CRPPA: variants seen among roughly 807,000 people sequenced by gnomAD.
CRPPA encodes CDP-L-ribitol pyrophosphorylase A.
A neutral mutation model predicts 52.0 loss-of-function variants in CRPPA; 43 were observed. The observed-to-expected ratio is 0.83, with a 90% confidence interval of 0.65 to 1.07. The LOEUF (loss-of-function observed/expected upper bound fraction) is 1.07. Among genes scored for constraint, CRPPA ranks in the 50% least tolerant of loss-of-function variants. CRPPA has a pLI of 0.00. For synonymous variants in CRPPA, 250 were observed against 203.5 expected, an observed-to-expected ratio of 1.23 and a Z score of -1.94; for missense variants, 629 against 551.7, an observed-to-expected ratio of 1.14 and a Z score of -1.40.
chr7:16,392,694 C>T (rs1241699578), intron 2 of CRPPA, among the ~76,000 whole-genome samples: 1 of 152,042 alleles, frequency 6.6e-6, no homozygotes, highest in Non-Finnish European at 1.5e-5. Context: ...GATATTTTAA[C>T]CTCACTTCCT....
rs531572065 is a variant in CRPPA, at chr7:16,393,617, C to T, written c.534+12444G>A. 5.9e-5 allele frequency among the ~76,000 whole-genome samples: 9 copies of T among 152,164 alleles called. No individual in the cohort carries two copies. In the South Asian group the frequency reaches 1.9e-3, roughly 32 times the overall value. ...CCATGTAAAATTCAAAATTATAACACATTTTTTAAAAATGGTGAATATCTT... is the reference window on the plus strand; with the variant it reads ...CCATGTAAAATTCAAAATTATAACATATTTTTTAAAAATGGTGAATATCTT... On this transcript the variant is annotated intron_variant, in intron 2 of 9. Transcript: ENST00000407010.
chr7:16,171,835 A>G (rs1351271525), intron 9 of CRPPA, among the ~76,000 whole-genome samples: 1 of 152,142 alleles, frequency 6.6e-6, no homozygotes, highest in African/African-American at 2.4e-5. Context: ...GCTTTCTCTC[A>G]GAGGTTCTGC....
intron 9 of CRPPA, among the ~76,000 whole-genome samples, chr7:16,102,908 GGATCTA>G (rs1782076776): frequency 6.6e-6 from 1 of 152,130 alleles, no homozygotes; most frequent in African/African-American, 2.4e-5. Context: ...AATTCCTCAA[GGATCTA>G]GAACTAGAAA....
At chr7:16,406,762 T>C (rs1787963254) in intron 1 of CRPPA, among the ~76,000 whole-genome samples, 1 of 152,220 alleles carries the variant, frequency 6.6e-6, no homozygotes, top group Admixed American at 6.5e-5. Context: ...TGACTGTCTC[T>C]TTCAAGAATT....
At chr7:16,250,332 T>TA in intron 8 of CRPPA, among the ~76,000 whole-genome samples, 1 of 152,292 alleles carries the variant, frequency 6.6e-6, no homozygotes, top group East Asian at 1.9e-4. Flanking sequence ...TTCTGCAACC[T>TA]AGCAAGGCAG....
At chr7:16,337,810 T>C (rs6946720) in intron 3 of CRPPA, among the ~76,000 whole-genome samples, 142,148 of 152,198 alleles carry the variant, frequency 0.93, 66,472 homozygotes, top group Non-Finnish European at 0.95. Context: ...CCTACCAAAC[T>C]GAATCTAAAT....
chr7:16,348,812 A>C (rs1211209736), intron 3 of CRPPA, among the ~76,000 whole-genome samples: 2 of 152,196 alleles, frequency 1.3e-5, no homozygotes, highest in Non-Finnish European at 2.9e-5. Flanking sequence ...TGATTACTTC[A>C]GGTCTACCCA....
chr7:16,125,711 G>T (rs1333846025), intron 9 of CRPPA, among the ~76,000 whole-genome samples: 1 of 152,064 alleles, frequency 6.6e-6, no homozygotes, highest in African/African-American at 2.4e-5. Context: ...TGTCTAATGG[G>T]TGATGAGTTC....
intron 6 of CRPPA, among the ~76,000 whole-genome samples, chr7:16,271,921 T>G (rs529937818): frequency 2.0e-5 from 3 of 152,218 alleles, no homozygotes; most frequent in Non-Finnish European, 2.9e-5. Flanking sequence ...TATTATTTGG[T>G]AAATAAACTA....
intron 3 of CRPPA, among the ~76,000 whole-genome samples, chr7:16,324,141 G>T (rs1018578804): frequency 6.6e-6 from 1 of 152,164 alleles, no homozygotes; most frequent in Admixed American, 6.5e-5. Context: ...ACATGCTGAA[G>T]AATGTGTTAT....
At chr7:16,170,660 C>T (rs577286808) in intron 9 of CRPPA, among the ~76,000 whole-genome samples, 22 of 152,228 alleles carry the variant, frequency 1.4e-4, no homozygotes, top group African/African-American at 4.1e-4. Context: ...ACACAGGGGG[C>T]GGGGGAGAGA....
intron 9 of CRPPA, 76 bp downstream of exon 9, chr7:16,215,990 G>T: frequency 1.7e-6 from 2 of 1,146,176 alleles, no homozygotes; most frequent in Non-Finnish European, 2.5e-6. Context: ...ATATCCTCCT[G>T]CTTTTAACAA....
chr7:16,184,960 A>T (rs1781477703), intron 9 of CRPPA, among the ~76,000 whole-genome samples: 1 of 152,186 alleles, frequency 6.6e-6, no homozygotes, highest in Non-Finnish European at 1.5e-5. Context: ...TGTTTTGGAC[A>T]TTTTTGTGGA....
At position 16,162,973 on chromosome 7, in the gene CRPPA, C is replaced by CTTT. The variant is rs377244023; in HGVS notation, c.1251+53090_1251+53092dup. On this transcript the variant is annotated intron_variant, in intron 9 of 9. Transcript: ENST00000407010. ...TTTTTTTCTTTTTCTTTTTCTTTCT[C>CTTT]TTTTTTTTTTTTTTTTTTGAGACGG... is the stretch of plus-strand genomic sequence containing the variant. 2.3e-3 allele frequency among the ~76,000 whole-genome samples: 276 copies of CTTT among 120,828 alleles called. 7 individuals are homozygous for CTTT. Among genetic ancestry groups the CTTT allele is most frequent in the Non-Finnish European group, 3.8e-3 (225 of 58,652 alleles). The allele number at this position is 120,828 out of a possible 152,430, so 79.3% of individuals were successfully genotyped here. A position where few individuals can be genotyped will look rare whatever the true frequency, so the allele number is the denominator to read the frequency against.
intron 8 of CRPPA, among the ~76,000 whole-genome samples, chr7:16,239,526 G>A (rs1783046727): frequency 8.7e-6 from 1 of 115,436 alleles, no homozygotes; most frequent in Non-Finnish European, 1.7e-5. Context: ...TAAAGCTAAA[G>A]TCTATTTCCA....
chr7:16,108,428 C>T (rs995259640), intron 9 of CRPPA, among the ~76,000 whole-genome samples: 2 of 151,786 alleles, frequency 1.3e-5, no homozygotes, highest in South Asian at 2.1e-4. Flanking sequence ...AATACATATG[C>T]ACCCAACAAC....
At chr7:16,213,184 G>C (rs1312122650) in intron 9 of CRPPA, among the ~76,000 whole-genome samples, 1 of 152,156 alleles carries the variant, frequency 6.6e-6, no homozygotes, top group East Asian at 1.9e-4. Context: ...TTCACTGCTA[G>C]ATCATCAAAT....
chr7:16,376,406 T>TAA (rs376172562), intron 2 of CRPPA, among the ~76,000 whole-genome samples, 165 bp from the exon 3 acceptor site: 1 of 151,898 alleles, frequency 6.6e-6, no homozygotes, highest in African/African-American at 2.4e-5. Context: ...TTATTTCAGG[T>TAA]AAAAAAAATC....
At chr7:16,146,207 C>CAA (rs531464213) in intron 9 of CRPPA, among the ~76,000 whole-genome samples, 3,408 of 137,628 alleles carry the variant, frequency 0.025, 137 homozygotes, top group African/African-American at 0.084. Flanking sequence ...TCCAACAAAC[C>CAA]AAAAAAAAAA....
Sources: gnomAD v4.1 joint callset for allele counts (sites outside exome capture counted in the v4.1 genomes callset) on GRCh38, gnomAD v4.1.1 for gene constraint, MANE v1.5 for transcripts, NCBI Gene and HGNC (gene_info 2026-07-23, HGNC 2026-07-21) for gene names.